ARHGEF4: variants seen among roughly 807,000 people sequenced by gnomAD.
ARHGEF4 encodes Rho guanine nucleotide exchange factor 4.
Under a neutral mutation model 162.0 loss-of-function variants are expected in ARHGEF4, and 119 were observed. The observed-to-expected ratio is 0.73, with a 90% CI of 0.63 to 0.86. ARHGEF4 has a LOEUF of 0.86. ARHGEF4 is among the 40% of genes least tolerant of loss of function. The pLI is 0.00. For missense variants in ARHGEF4, 2,488 were observed against 2,456.0 expected, an observed-to-expected ratio of 1.01 and a Z score of -0.28; for synonymous variants, 1,014 against 979.9, an observed-to-expected ratio of 1.03 and a Z score of -0.65.
At position 131,046,075 on chromosome 2, in the gene ARHGEF4, C is replaced by T. The variant is rs1419694618; in HGVS notation, c.5517C>T (p.His1839=). The change falls in exon 14 of 14, where the codon CAC becomes CAT. Residue 1839 remains histidine (H), a synonymous_variant. Transcript: ENST00000409359. Reference sequence around the variant, plus strand: ...CCTGCTACCTGACGCGCCAGAAGCACCCAGCCCTGCCCAGCAACCGGCCCC... The same window carrying T: ...CCTGCTACCTGACGCGCCAGAAGCATCCAGCCCTGCCCAGCAACCGGCCCC... ...GRPCYLTRQK[H]PALPSNRPQQ... The T allele has an allele frequency of 6.2e-7, 1 of 1,612,812 alleles. No homozygotes were observed. The highest frequency in any genetic ancestry group is 1.1e-5 in the South Asian group (1 of 91,044).
intron 1 of ARHGEF4, among the ~76,000 whole-genome samples, chr2:130,872,484 AG>A (rs1678553600): frequency 6.6e-6 from 1 of 151,984 alleles, no homozygotes; most frequent in African/African-American, 2.4e-5. Context: ...TCCGGGACTT[AG>A]GTTCCTGCCA....
At chr2:130,930,693 T>C (rs1376845400) in intron 2 of ARHGEF4, among the ~76,000 whole-genome samples, 1 of 152,222 alleles carries the variant, frequency 6.6e-6, no homozygotes, top group Admixed American at 6.5e-5. Context: ...CCTAATTCTT[T>C]GATCAAAATA....
chr2:130,983,134 C>G (rs1686240657), intron 4 of ARHGEF4, among the ~76,000 whole-genome samples: 1 of 152,158 alleles, frequency 6.6e-6, no homozygotes, highest in Non-Finnish European at 1.5e-5. Flanking sequence ...TTACCTAAAA[C>G]ATCCCATTTA....
chr2:130,892,358 T>C (rs1030811461), intron 1 of ARHGEF4, among the ~76,000 whole-genome samples: 5 of 152,188 alleles, frequency 3.3e-5, no homozygotes, highest in African/African-American at 1.2e-4. Flanking sequence ...TGACCCAACC[T>C]ACCTGTAGTT....
intron 1 of ARHGEF4, among the ~76,000 whole-genome samples, chr2:130,876,555 C>A (rs530018462): frequency 2.7e-4 from 41 of 152,182 alleles, no homozygotes; most frequent in African/African-American, 9.1e-4. Context: ...ACATACTCGG[C>A]TAATTTTTTT....
chr2:130,964,908 C>T (rs1301087199), intron 4 of ARHGEF4, among the ~76,000 whole-genome samples: 6 of 152,162 alleles, frequency 3.9e-5, no homozygotes, highest in South Asian at 2.1e-4. Context: ...AGATTTTGTC[C>T]CTAAATATTA....
chr2:130,927,011 G>A lies in ARHGEF4; in HGVS notation c.3553-3941G>A, dbSNP rs1427968683. 2.0e-5 allele frequency among the ~76,000 whole-genome samples: 3 copies of A among 151,408 alleles called. No homozygotes were observed. In the East Asian group the frequency reaches 5.9e-4, roughly 30 times the overall value. ...TGGCTGAAGGAGAGGTTATCTTGGG[G>A]TTGGCATGTCTCTGGTTGGGGAGGG... On this transcript the variant is annotated intron_variant, in intron 2 of 13. Transcript: ENST00000409359.
At chr2:130,959,609 G>T (rs1262575505) in intron 4 of ARHGEF4, among the ~76,000 whole-genome samples, 1 of 151,564 alleles carries the variant, frequency 6.6e-6, no homozygotes, top group Admixed American at 6.6e-5. Flanking sequence ...TAATATTTCA[G>T]ACATTGCTAG....
chr2:131,039,566 C>T (rs1031223756), intron 6 of ARHGEF4: 36 of 1,035,322 alleles, frequency 3.5e-5, no homozygotes, highest in Non-Finnish European at 4.1e-5. Flanking sequence ...GGGGAGGTCC[C>T]AGGCCCTGGT....
intron 4 of ARHGEF4, among the ~76,000 whole-genome samples, chr2:131,008,809 A>G (rs4541283): frequency 0.98 from 148,794 of 152,286 alleles, 72,790 homozygotes; most frequent in East Asian, 1. Context: ...AATCTTGCAT[A>G]TGTATAATTT....
Position 130,836,938 on chromosome 2 carries a change from C to A in ARHGEF4, c.-16C>A. On this transcript the variant is annotated 5_prime_UTR_variant, in exon 1 of 14. Coordinates refer to ENST00000409359, the MANE Select transcript of ARHGEF4 (RefSeq NM_001367493.1). ...CGTAGTGCTGCGGCCGGGCTCCGGG[C>A]GTCCCGGCGGCCACCATGCTCAGCG... 5 of 1,223,086 alleles carry A rather than the reference C, an allele frequency of 4.1e-6. No homozygotes were observed. The highest frequency in any genetic ancestry group is 4.1e-6 in the Non-Finnish European group (4 of 982,846). The allele number at this position is 1,223,086 out of a possible 1,614,324, so 75.8% of individuals were successfully genotyped here.
At chr2:131,034,860 C>G (rs1462455924) in intron 5 of ARHGEF4, 8 of 471,724 alleles carry the variant, frequency 1.7e-5, no homozygotes, top group Non-Finnish European at 1.1e-5. Flanking sequence ...CGCGGTCCCT[C>G]TGAGCCTCTC....
intron 5 of ARHGEF4, among the ~76,000 whole-genome samples, chr2:131,031,384 G>C (rs955623805): frequency 6.6e-6 from 1 of 152,228 alleles, no homozygotes; most frequent in African/African-American, 2.4e-5. Flanking sequence ...CTTGCACACA[G>C]ATGTGTGTGC....
chr2:131,013,842 C>T (rs1409117924), intron 4 of ARHGEF4, among the ~76,000 whole-genome samples: 1 of 152,032 alleles, frequency 6.6e-6, no homozygotes, highest in Non-Finnish European at 1.5e-5. Context: ...ATCAAGTGAC[C>T]CACCCGCCTC....
Position 130,915,770 on chromosome 2 carries a change from TG to T in ARHGEF4, c.1829del (p.Gly610ValfsTer25), listed in dbSNP as rs1681445204. The T allele has an allele frequency of 2.0e-6, 3 of 1,530,976 alleles. No individual in the cohort carries two copies. The highest frequency in any genetic ancestry group is 2.8e-5 in the African/African-American group (2 of 72,068). The allele number at this position is 1,530,976 out of a possible 1,614,324, so 94.8% of individuals were successfully genotyped here. A position where few individuals can be genotyped will look rare whatever the true frequency, so the allele number is the denominator to read the frequency against. ...GGGCTGAGGAGGGTGAACAGGGGCC[TG>T]GGGGTGCCGGGGGCCGGCAGCTGGA... is the stretch of plus-strand genomic sequence containing the variant. ...PGAEEGEQGP[G>X]GAGGRQLEPK... is the part of the protein sequence containing the mutation. On this transcript the variant is annotated frameshift_variant, in exon 2 of 14. Coordinates refer to ENST00000409359, the MANE Select transcript of ARHGEF4 (RefSeq NM_001367493.1). LOFTEE classifies it high-confidence loss of function.
chr2:130,994,491 C>T (rs1404252035), intron 4 of ARHGEF4, among the ~76,000 whole-genome samples: 1 of 152,264 alleles, frequency 6.6e-6, no homozygotes, highest in African/African-American at 2.4e-5. Flanking sequence ...TGCATTTACC[C>T]CTTCCTGACT....
intron 4 of ARHGEF4, among the ~76,000 whole-genome samples, chr2:131,015,292 A>T (rs35165309): frequency 0.047 from 7,221 of 152,288 alleles, 161 homozygotes; most frequent in Non-Finnish European, 0.06. Flanking sequence ...TGAGGTTTTC[A>T]GTGAGCCGTT....
chr2:130,917,270 C>G lies in ARHGEF4; in HGVS notation c.3324C>G (p.Tyr1108Ter), dbSNP rs1342838918. ...GTGCTCAGCGGATGGGTCTCCACTA[C>G]CCCGGGAGGGGTAGCGCCATCTCCA... is the stretch of plus-strand genomic sequence containing the variant. ...RPSAQRMGLHYPGRGSAISMV... is the reference protein window; with the variant it reads ...RPSAQRMGLH Residue 1108 changes from tyrosine to a stop codon, truncating the protein, a stop_gained, in exon 2 of 14, where the codon TAC becomes TAG. Transcript: ENST00000409359. LOFTEE classifies it high-confidence loss of function. 6.4e-7 allele frequency: 1 copy of G among 1,550,398 alleles called. No homozygotes were observed. The highest frequency in any genetic ancestry group is 8.7e-7 in the Non-Finnish European group (1 of 1,146,982).
At chr2:130,883,912 AAT>A (rs1165046674) in intron 1 of ARHGEF4, among the ~76,000 whole-genome samples, 1 of 152,100 alleles carries the variant, frequency 6.6e-6, no homozygotes, top group Non-Finnish European at 1.5e-5. Context: ...AATATGGAAT[AAT>A]AGGTATCTTT....
Sources: allele counts gnomAD v4.1 joint callset (sites outside exome capture counted in the v4.1 genomes callset), GRCh38; gene constraint gnomAD v4.1.1; transcripts MANE v1.5; gene names NCBI Gene and HGNC (gene_info 2026-07-23, HGNC 2026-07-21).